Variants in FRRS1 observed in about 807,000 individuals in gnomAD.
FRRS1 encodes ferric chelate reductase 1, also known as ferric reductase 1.
Under a neutral mutation model 70.7 loss-of-function variants are expected in FRRS1, and 51 were observed. The observed-to-expected ratio is 0.72, with a 90% confidence interval of 0.58 to 0.91. FRRS1 has a LOEUF of 0.91. Among genes scored for constraint, FRRS1 ranks in the 40% least tolerant of loss-of-function variants. The pLI is 0.00. For missense variants in FRRS1, 672 were observed against 726.0 expected, an observed-to-expected ratio of 0.93 and a Z score of 0.86; for synonymous variants, 225 against 238.7, an observed-to-expected ratio of 0.94 and a Z score of 0.53.
chr1:99,762,141 C>T (rs1657137619), intron 1 of FRRS1, among the ~76,000 whole-genome samples: 1 of 152,046 alleles, frequency 6.6e-6, no homozygotes, highest in East Asian at 1.9e-4. Flanking sequence ...GTAAATAAGG[C>T]ATTATGGAAA....
At chr1:99,714,499 A>T (rs1654424719) in intron 12 of FRRS1, among the ~76,000 whole-genome samples, 1 of 152,170 alleles carries the variant, frequency 6.6e-6, no homozygotes, top group Non-Finnish European at 1.5e-5. Flanking sequence ...CATTTAAAAA[A>T]AAATAACTGT....
intron 1 of FRRS1, among the ~76,000 whole-genome samples, chr1:99,764,757 A>G (rs778351895): frequency 3.9e-5 from 6 of 152,236 alleles, no homozygotes; most frequent in Non-Finnish European, 7.3e-5. Flanking sequence ...AATGCCACCA[A>G]TATCAATGGC....
intron 15 of FRRS1, among the ~76,000 whole-genome samples, chr1:99,710,564 A>T (rs574043482): frequency 1.3e-5 from 2 of 152,296 alleles, no homozygotes; most frequent in African/African-American, 4.8e-5. Flanking sequence ...GAAAGTACTT[A>T]CAAGGAAGAC....
intron 1 of FRRS1, among the ~76,000 whole-genome samples, chr1:99,755,490 G>A (rs1055744910): frequency 9.2e-5 from 14 of 152,160 alleles, no homozygotes; most frequent in African/African-American, 3.1e-4. Context: ...AATCGACTTC[G>A]CCATTATTAA....
chr1:99,752,700 C>T (rs1306340409), intron 1 of FRRS1, among the ~76,000 whole-genome samples: 1 of 152,068 alleles, frequency 6.6e-6, no homozygotes, highest in Non-Finnish European at 1.5e-5. Context: ...CACTTGAGCC[C>T]AGTAGTTCAA....
chr1:99,742,245 G>A lies in FRRS1; in HGVS notation c.362C>T (p.Ser121Phe). 1 of 1,610,546 alleles carries A rather than the reference G, an allele frequency of 6.2e-7. No homozygotes were observed. The highest frequency in any genetic ancestry group is 8.5e-7 in the Non-Finnish European group (1 of 1,176,780). ...QGSAVSHRSA[S>F]KKTEIKVYWN... is the part of the protein sequence containing the mutation. ...GTAGACTTTAATTTCTGTTTTTTTA[G>A]ATGCACTTCTGTGACTCACTGCTGA... The change falls in exon 5 of 17, where the codon TCT (serine) becomes TTT (phenylalanine). Residue 121 changes from serine to phenylalanine, a missense_variant. Transcript: ENST00000646001.
chr1:99,744,260 G>GTCAT (rs1194679019), intron 4 of FRRS1, among the ~76,000 whole-genome samples: 4 of 152,100 alleles, frequency 2.6e-5, no homozygotes, highest in African/African-American at 9.7e-5. Flanking sequence ...AAAAAGCAAA[G>GTCAT]TCATTATATG....
rs1466942066 is a variant in FRRS1 at position 99,728,530 on chromosome 1, G to A, written c.969C>T (p.Ser323=). The change falls in exon 9 of 17, where the codon AGC becomes AGT. Residue 323 remains serine, a synonymous_variant. Transcript: ENST00000646001. ...GVKNRFDLNT[S]YYIFLADGAA... is the part of the protein sequence containing the mutation. ...CACCATCTGCTAGAAATATGTAATA[G>A]CTTGTGTTTAGATCAAATCTATTCT... 1 of 1,612,434 alleles carries A rather than the reference G, an allele frequency of 6.2e-7. No individual in the cohort carries two copies. The highest frequency in any genetic ancestry group is 1.3e-5 in the African/African-American group (1 of 74,978).
chr1:99,764,107 G>A (rs760373870), intron 1 of FRRS1, among the ~76,000 whole-genome samples: 5 of 152,180 alleles, frequency 3.3e-5, no homozygotes, highest in Non-Finnish European at 5.9e-5. Context: ...GGTAGGCATT[G>A]TTTTAAGTAC....
intron 3 of FRRS1, chr1:99,748,090 T>C (rs1656375964): frequency 6.4e-6 from 1 of 155,092 alleles, no homozygotes; most frequent in African/African-American, 2.4e-5. Flanking sequence ...CACAGAATAT[T>C]CCAAACTTAT....
chr1:99,763,157 AT>A (rs1041658366), intron 1 of FRRS1, among the ~76,000 whole-genome samples: 7 of 151,954 alleles, frequency 4.6e-5, no homozygotes, highest in East Asian at 1.9e-4. Flanking sequence ...AATTTCAAGA[AT>A]TTTTTTTCCC....
chr1:99,719,731 G>A (rs1305047017), intron 9 of FRRS1, 84 bp from the exon 10 acceptor site: 7 of 713,750 alleles, frequency 9.8e-6, no homozygotes, highest in Middle Eastern at 2.5e-4. Flanking sequence ...GGCAGGGCAT[G>A]GCAACAAAAT....
intron 1 of FRRS1, among the ~76,000 whole-genome samples, chr1:99,753,260 C>T (rs1656664277): frequency 6.6e-6 from 1 of 150,630 alleles, no homozygotes; most frequent in African/African-American, 2.4e-5. Flanking sequence ...GTGGCTCATG[C>T]CTGTAATCCC....
chr1:99,751,156 C>G (rs1319066504), intron 1 of FRRS1, among the ~76,000 whole-genome samples: 3 of 152,282 alleles, frequency 2.0e-5, no homozygotes, highest in East Asian at 3.9e-4. Context: ...CTCTTGCCCT[C>G]AGACATCAAG....
At chr1:99,716,395 A>T (rs1458348100) in intron 11 of FRRS1, among the ~76,000 whole-genome samples, 1 of 152,258 alleles carries the variant, frequency 6.6e-6, no homozygotes, top group Non-Finnish European at 1.5e-5. Flanking sequence ...TTGAGTTGAT[A>T]AAGAGAATAC....
At chr1:99,756,890 G>A (rs1656863712) in intron 1 of FRRS1, among the ~76,000 whole-genome samples, 1 of 152,026 alleles carries the variant, frequency 6.6e-6, no homozygotes. Flanking sequence ...AAAAAATTGT[G>A]GGAACTCAGC....
In FRRS1 at chr1:99,764,148, C is replaced by T. The variant is rs914368484; in HGVS notation, c.-106+2459G>A. Among the ~76,000 whole-genome samples the T allele has an allele frequency of 2.6e-5, 4 of 152,110 alleles. 1 individual carries two copies. The highest frequency in any genetic ancestry group is 9.7e-5 in the African/African-American group (4 of 41,424). On this transcript the variant is annotated intron_variant, in intron 1 of 16. Coordinates refer to ENST00000646001, the MANE Select transcript of FRRS1 (RefSeq NM_001361041.2). ...AAGTATGAACTCATTTCACAAAAAT[C>T]CCAAGACATGAATCTGCATGTTAAG...
At chr1:99,715,701 A>T (rs753477727) in intron 11 of FRRS1, 29 bp from the exon 12 acceptor site, 1 of 1,493,182 alleles carries the variant, frequency 6.7e-7, no homozygotes, top group Admixed American at 1.7e-5. Context: ...AATTAAGAAG[A>T]CACTTATCCA....
intron 9 of FRRS1, among the ~76,000 whole-genome samples, chr1:99,720,551 T>C (rs930130359): frequency 5.9e-5 from 9 of 151,868 alleles, no homozygotes; most frequent in African/African-American, 1.9e-4. Flanking sequence ...TCAAACTACA[T>C]CTCAATAATT....
Sources: gnomAD v4.1 joint callset for allele counts (sites outside exome capture counted in the v4.1 genomes callset) on GRCh38, gnomAD v4.1.1 for gene constraint, MANE v1.5 for transcripts, NCBI Gene and HGNC (gene_info 2026-07-23, HGNC 2026-07-21) for gene names.